Variants in TAF4B observed in about 807,000 individuals in gnomAD.
The protein encoded by TAF4B is transcription initiation factor TFIID subunit 4B.
A neutral mutation model predicts 86.4 loss-of-function variants in TAF4B; 38 were observed. That is an observed-to-expected ratio of 0.44 (90% confidence interval 0.34 to 0.58). TAF4B has a LOEUF of 0.58. Ranked by LOEUF, TAF4B falls within the 20% of genes least tolerant of loss-of-function variation. The pLI is 0.02. For synonymous variants in TAF4B, 388 were observed against 391.2 expected, an observed-to-expected ratio of 0.99 and a Z score of 0.10; for missense variants, 988 against 1,027.6, an observed-to-expected ratio of 0.96 and a Z score of 0.53.
chr18:26,239,947 A>G (rs2144457268), intron 1 of TAF4B, among the ~76,000 whole-genome samples: 1 of 152,196 alleles, frequency 6.6e-6, no homozygotes, highest in East Asian at 1.9e-4. Flanking sequence ...ATTGGTCTAT[A>G]TCTCTGTTTT....
At chr18:26,280,552 A>G (rs1358751103) in intron 5 of TAF4B, among the ~76,000 whole-genome samples, 1 of 152,202 alleles carries the variant, frequency 6.6e-6, no homozygotes, top group African/African-American at 2.4e-5. Flanking sequence ...ACATGAAAAG[A>G]TGCTCATCAT....
At chr18:26,333,679 G>T (rs2057069148) in intron 12 of TAF4B, among the ~76,000 whole-genome samples, 1 of 152,090 alleles carries the variant, frequency 6.6e-6, no homozygotes, top group African/African-American at 2.4e-5. Context: ...GTGAGCCACT[G>T]CCTCTAGCCT....
At chr18:26,244,849 G>A (rs1281810031) in intron 1 of TAF4B, among the ~76,000 whole-genome samples, 1 of 152,224 alleles carries the variant, frequency 6.6e-6, no homozygotes, top group African/African-American at 2.4e-5. Flanking sequence ...GACGCAGGAG[G>A]CAAGTTTCAG....
intron 13 of TAF4B, among the ~76,000 whole-genome samples, chr18:26,355,916 A>G (rs1167940004): frequency 6.6e-6 from 1 of 152,232 alleles, no homozygotes; most frequent in Non-Finnish European, 1.5e-5. Flanking sequence ...ACACTTTTCT[A>G]ACAATTTATT....
At chr18:26,239,328 G>C (rs943682006) in intron 1 of TAF4B, among the ~76,000 whole-genome samples, 47 of 152,160 alleles carry the variant, frequency 3.1e-4, no homozygotes, top group Non-Finnish European at 4.4e-4. Context: ...ATTTGCATTT[G>C]TCTGATGGCC....
chr18:26,274,194 A>G (rs1412358879), intron 3 of TAF4B, among the ~76,000 whole-genome samples: 5 of 152,196 alleles, frequency 3.3e-5, no homozygotes, highest in Admixed American at 3.3e-4. Flanking sequence ...TGGTCTACAT[A>G]AAAGCAGTTT....
chr18:26,249,005 C>G (rs928320711), intron 1 of TAF4B, among the ~76,000 whole-genome samples: 1 of 151,460 alleles, frequency 6.6e-6, no homozygotes, highest in Non-Finnish European at 1.5e-5. Flanking sequence ...AACACCATCT[C>G]TACTAAAAAT....
At chr18:26,292,613 C>T (rs1470123830) in intron 8 of TAF4B, among the ~76,000 whole-genome samples, 1 of 152,146 alleles carries the variant, frequency 6.6e-6, no homozygotes, top group Non-Finnish European at 1.5e-5. Context: ...CCTCCACCTC[C>T]CAGGTTTAAG....
At chr18:26,280,860 C>G (rs906573447) in intron 5 of TAF4B, among the ~76,000 whole-genome samples, 2 of 152,058 alleles carry the variant, frequency 1.3e-5, no homozygotes, top group African/African-American at 4.8e-5. Flanking sequence ...GTATGTTTAT[C>G]GCAGCACTAC....
Position 26,292,106 on chromosome 18 carries a change from C to G in TAF4B, c.1591-140C>G, listed in dbSNP as rs550525802. The G allele has an allele frequency of 3.2e-4, 288 of 886,500 alleles. 1 individual carries two copies. The highest frequency in any genetic ancestry group is 2.1e-3 in the Middle Eastern group (6 of 2,874). The allele number at this position is 886,500 out of a possible 1,614,324, so 54.9% of individuals were successfully genotyped here. On this transcript the variant is annotated intron_variant, in intron 7 of 14. Coordinates refer to ENST00000269142, the MANE Select transcript of TAF4B (RefSeq NM_005640.3). The stretch of plus-strand genomic sequence containing the variant: ...TTGAACAAGATAATTTTGCTTCATA[C>G]AAATTTAAAGTAGGCATTCTTGTTA...
chr18:26,246,998 T>A (rs2055936330), intron 1 of TAF4B, among the ~76,000 whole-genome samples: 1 of 152,162 alleles, frequency 6.6e-6, no homozygotes, highest in South Asian at 2.1e-4. Flanking sequence ...CCCGAGTAGC[T>A]GGGATTACAA....
At chr18:26,351,911 T>TA (rs1397202148) in intron 13 of TAF4B, among the ~76,000 whole-genome samples, 19 of 152,216 alleles carry the variant, frequency 1.2e-4, no homozygotes, top group South Asian at 1.0e-3. Flanking sequence ...TAAAGAGCCA[T>TA]ATATATGGCC....
At chr18:26,385,054 G>C (rs564953075) in intron 14 of TAF4B, among the ~76,000 whole-genome samples, 1 of 152,124 alleles carries the variant, frequency 6.6e-6, no homozygotes, top group East Asian at 1.9e-4. Flanking sequence ...GGAGAGGCCC[G>C]TATGGAGTCA....
chr18:26,272,989 T>G (rs1046703173), intron 3 of TAF4B, among the ~76,000 whole-genome samples: 1 of 152,232 alleles, frequency 6.6e-6, no homozygotes, highest in Non-Finnish European at 1.5e-5. Flanking sequence ...TAATCAGTAA[T>G]TTTAAAATCT....
intron 13 of TAF4B, chr18:26,349,039 T>C (rs1486947075): frequency 6.6e-6 from 1 of 152,188 alleles, no homozygotes; most frequent in Non-Finnish European, 1.5e-5. Context: ...AAATAAACAA[T>C]GTGCATGCTA....
intron 14 of TAF4B, among the ~76,000 whole-genome samples, chr18:26,372,644 T>A (rs1159152974): frequency 6.6e-6 from 1 of 152,092 alleles, no homozygotes; most frequent in Admixed American, 6.5e-5. Flanking sequence ...ATCCGTTATG[T>A]TAATACCATG....
chr18:26,347,186 C>T (rs980816303), intron 13 of TAF4B, among the ~76,000 whole-genome samples: 11 of 151,692 alleles, frequency 7.3e-5, no homozygotes, highest in Non-Finnish European at 1.5e-4. Context: ...TCCCAAAGTG[C>T]TGGGATTACA....
chr18:26,339,572 C>T (rs1027571417), intron 13 of TAF4B, among the ~76,000 whole-genome samples: 8 of 150,594 alleles, frequency 5.3e-5, no homozygotes, highest in Admixed American at 4.0e-4. Context: ...AGTGATCCTT[C>T]TGCCTCAGCC....
intron 14 of TAF4B, among the ~76,000 whole-genome samples, chr18:26,374,412 A>G (rs1354866703): frequency 1.3e-5 from 2 of 152,276 alleles, no homozygotes; most frequent in East Asian, 1.9e-4. Flanking sequence ...TCACAGGACC[A>G]GTTATATTGT....
Sources: allele counts gnomAD v4.1 joint callset (sites outside exome capture counted in the v4.1 genomes callset), GRCh38; gene constraint gnomAD v4.1.1; transcripts MANE v1.5; gene names NCBI Gene and HGNC (gene_info 2026-07-23, HGNC 2026-07-21).